Variants in POT1 observed in about 807,000 individuals in gnomAD.
POT1 encodes the protein protection of telomeres 1, also known as protection of telomeres protein 1.
Under a neutral mutation model 78.5 loss-of-function variants are expected in POT1, and 47 were observed. The ratio of observed to expected loss-of-function variants is 0.60; its 90% CI spans 0.47 to 0.76. The LOEUF (loss-of-function observed/expected upper bound fraction) is 0.76, where lower values mean the gene tolerates loss of function less well. Among genes scored for constraint, POT1 ranks in the 30% least tolerant of loss-of-function variants. POT1 has a pLI of 0.00. For missense variants in POT1, 646 were observed against 749.9 expected (o/e 0.86, Z 1.62); for synonymous variants, 259 against 260.7 (o/e 0.99, Z 0.06).
At chr7:124,896,977 G>A (rs1796506210) in intron 5 of POT1, among the ~76,000 whole-genome samples, 188 bp downstream of exon 5, 2 of 151,252 alleles carry the variant, frequency 1.3e-5, no homozygotes, top group African/African-American at 2.4e-5. Context: ...TTGATTACTA[G>A]GTAAAATATA....
At chr7:124,880,034 T>C (rs1796081535) in intron 6 of POT1, among the ~76,000 whole-genome samples, 1 of 152,078 alleles carries the variant, frequency 6.6e-6, no homozygotes, top group Non-Finnish European at 1.5e-5. Context: ...CCCAATAGTG[T>C]CACTTGAACC....
chr7:124,865,746 A>G (rs945103648), intron 7 of POT1, among the ~76,000 whole-genome samples: 3 of 151,644 alleles, frequency 2.0e-5, no homozygotes, highest in African/African-American at 7.3e-5. Flanking sequence ...TCGTTCTGTC[A>G]CTCAGGCTGG....
chr7:124,853,027 C>T lies in POT1; in HGVS notation c.814G>A (p.Gly272Ser), dbSNP rs781279819. 3.1e-6 allele frequency: 5 copies of T among 1,613,222 alleles called. No individual in the cohort carries two copies. The highest frequency in any genetic ancestry group is 1.7e-5 in the Admixed American group (1 of 59,976). Residue 272 changes from glycine to serine, a missense_variant, in exon 10 of 19, where the codon GGT (glycine) becomes AGT (serine). Gly to Ser is a moderately conservative substitution (Grantham distance 56, BLOSUM62 0). This residue lies in a region of POT1 where 252 missense variants were observed against 341.4 expected (regional missense o/e 0.74). Transcript: ENST00000357628. ...TCTGGCAAGACCCTGATTCCCCGAC[C>T]GTAACTGGTACCTCCATGAAGATGA... ...EFHLHGGTSY[G>S]RGIRVLPESN...
chr7:124,912,057 G>A (rs1424426864), intron 3 of POT1, among the ~76,000 whole-genome samples: 3 of 152,016 alleles, frequency 2.0e-5, no homozygotes, highest in Non-Finnish European at 1.5e-5. Context: ...CTGGGCTCAG[G>A]GTTCAGATGT....
At chr7:124,846,141 A>C (rs1795158506) in intron 12 of POT1, among the ~76,000 whole-genome samples, 1 of 147,072 alleles carries the variant, frequency 6.8e-6, no homozygotes, top group African/African-American at 2.5e-5. Context: ...GATAGGGTAC[A>C]TATGAACACA....
intron 9 of POT1, among the ~76,000 whole-genome samples, chr7:124,858,278 A>G (rs1214609102): frequency 2.0e-5 from 3 of 152,224 alleles, no homozygotes; most frequent in African/African-American, 7.2e-5. Context: ...AGTGCCTAGC[A>G]AAAGTTACTC....
At chr7:124,838,899 C>T (rs1794960035) in intron 14 of POT1, among the ~76,000 whole-genome samples, 1 of 152,114 alleles carries the variant, frequency 6.6e-6, no homozygotes, top group Admixed American at 6.5e-5. Context: ...GCCACTGCGC[C>T]CAGCTGGCAA....
Position 124,841,086 on chromosome 7 carries a change from T to C in POT1, c.1256A>G (p.Tyr419Cys), listed in dbSNP as rs770213689. The change falls in exon 14 of 19, where the codon TAT becomes TGT. Residue 419 changes from tyrosine to cysteine, a missense_variant. By Grantham distance (194) the Tyr-to-Cys change is radical. This residue lies in a region of POT1 where 394 missense variants were observed against 408.4 expected (regional missense o/e 0.96). Coordinates refer to ENST00000357628, the MANE Select transcript of POT1 (RefSeq NM_015450.3). Reference protein sequence around the residue: ...PDVKLQNTSLYDSKIWTTKNQ... With the variant: ...PDVKLQNTSLCDSKIWTTKNQ... ...TTTAGTGGTCCAGATTTTTGAATCA[T>C]ATAATGATGTATTTTGTAGCTTGAC... 39 of 1,612,606 alleles carry C rather than the reference T, an allele frequency of 2.4e-5. No individual in the cohort carries two copies. The highest frequency in any genetic ancestry group is 4.0e-5 in the African/African-American group (3 of 74,878).
At chr7:124,867,311 AT>A (rs948900799) in intron 7 of POT1, among the ~76,000 whole-genome samples, 4 of 152,126 alleles carry the variant, frequency 2.6e-5, no homozygotes, top group African/African-American at 4.8e-5. Context: ...AGTAAGAGAG[AT>A]TTTTTTCAAA....
chr7:124,912,499 T>C (rs1796910647), intron 3 of POT1, among the ~76,000 whole-genome samples: 1 of 152,294 alleles, frequency 6.6e-6, no homozygotes, highest in Non-Finnish European at 1.5e-5. Context: ...AATATATACC[T>C]TCCCTCCCCT....
At chr7:124,856,763 A>G (rs1763804898) in intron 9 of POT1, among the ~76,000 whole-genome samples, 2 of 152,190 alleles carry the variant, frequency 1.3e-5, no homozygotes. Context: ...GTGAATCTAA[A>G]ATGTAAATTC....
Position 124,892,350 on chromosome 7 carries a change from G to A in POT1, c.40C>T (p.Leu14=), listed in dbSNP as rs2116629835. The A allele has an allele frequency of 1.3e-6, 2 of 1,515,510 alleles. No individual in the cohort carries two copies. Among genetic ancestry groups the A allele is most frequent in the Admixed American group, 2.5e-5 (1 of 39,936 alleles). 93.9% of individuals were successfully genotyped at this position (1,515,510 alleles called of 1,614,324 possible). The change falls in exon 6 of 19, where the codon CTG becomes TTG. Residue 14 remains leucine, a synonymous_variant. Transcript: ENST00000357628. ...ATTGTACCACCCTTAAGTTGATTCA[G>A]GGGTGTATATATATAATTTGTTGCT... ...VPATNYIYTP[L]NQLKGGTIVN...
At chr7:124,899,785 T>A (rs1307782230) in intron 3 of POT1, among the ~76,000 whole-genome samples, 2 of 152,158 alleles carry the variant, frequency 1.3e-5, no homozygotes, top group Non-Finnish European at 2.9e-5. Context: ...CACTTAAAAA[T>A]GTTTTCAAAA....
intron 13 of POT1, 66 bp downstream of exon 13, chr7:124,842,741 A>T: frequency 1.6e-6 from 2 of 1,288,572 alleles, no homozygotes; most frequent in Non-Finnish European, 2.1e-6. Context: ...ACACAAAATT[A>T]TACATATGTG....
intron 7 of POT1, among the ~76,000 whole-genome samples, 187 bp downstream of exon 7, chr7:124,870,724 T>C (rs559217496): frequency 2.9e-4 from 44 of 152,296 alleles, no homozygotes; most frequent in Non-Finnish European, 5.0e-4. Flanking sequence ...CAGTGGTTTG[T>C]TCAAATGAAG....
At chr7:124,894,002 G>T (rs1308166302) in intron 5 of POT1, among the ~76,000 whole-genome samples, 1 of 151,418 alleles carries the variant, frequency 6.6e-6, no homozygotes, top group East Asian at 1.9e-4. Context: ...AAATAACTGT[G>T]AATAAGTTGG....
intron 6 of POT1, among the ~76,000 whole-genome samples, chr7:124,891,303 T>A (rs1796365610): frequency 6.6e-6 from 1 of 151,778 alleles, no homozygotes. Context: ...ACTTAAAGTC[T>A]CTTTTGTCTG....
chr7:124,866,249 CAT>C (rs34506765), intron 7 of POT1, among the ~76,000 whole-genome samples: 91,098 of 151,714 alleles, frequency 0.6, 27,460 homozygotes, highest in African/African-American at 0.65. Context: ...TTTGATAAAA[CAT>C]GTGTAGAATA....
intron 6 of POT1, among the ~76,000 whole-genome samples, chr7:124,874,938 T>C (rs1309933710): frequency 1.3e-5 from 2 of 151,618 alleles, no homozygotes; most frequent in Non-Finnish European, 2.9e-5. Context: ...GTGAAATAAC[T>C]TGGAACCAAA....
Sources: allele counts gnomAD v4.1 joint callset (sites outside exome capture counted in the v4.1 genomes callset), GRCh38; gene constraint gnomAD v4.1.1; regional missense constraint gnomAD v4.1.1; transcripts MANE v1.5; gene names NCBI Gene and HGNC (gene_info 2026-07-23, HGNC 2026-07-21).